The following PARP4 variants were observed in gnomAD, a reference collection of about 807,000 sequenced individuals.
PARP4 encodes protein mono-ADP-ribosyltransferase PARP4.
PARP4 carries 120 observed loss-of-function variants against 187.7 expected under a neutral mutation model. The observed-to-expected ratio is 0.64, with a 90% CI of 0.55 to 0.74. The LOEUF (loss-of-function observed/expected upper bound fraction) is 0.74, where lower values mean the gene tolerates loss of function less well. Among genes scored for constraint, PARP4 ranks in the 30% least tolerant of loss-of-function variants. The pLI is 0.00. For missense variants in PARP4, 1,836 were observed against 2,070.5 expected, an observed-to-expected ratio of 0.89 and a Z score of 2.20; for synonymous variants, 654 against 740.9, an observed-to-expected ratio of 0.88 and a Z score of 1.90.
chr13:24,446,559 G>A, intron 27 of PARP4, 122 bp downstream of exon 27: 1 of 665,678 alleles, frequency 1.5e-6, no homozygotes, highest in Non-Finnish European at 2.7e-6. Flanking sequence ...AATTTGTATT[G>A]GGCTGCATTC....
chr13:24,476,326 C>G (rs541731470), intron 14 of PARP4, among the ~76,000 whole-genome samples: 1 of 152,096 alleles, frequency 6.6e-6, no homozygotes, highest in South Asian at 2.1e-4. Context: ...CATTACTTGA[C>G]ATACATTTAA....
intron 1 of PARP4, among the ~76,000 whole-genome samples, chr13:24,510,878 C>A (rs1163591314): frequency 6.6e-6 from 1 of 152,162 alleles, no homozygotes; most frequent in Non-Finnish European, 1.5e-5. Context: ...CAGCTCACTG[C>A]AACCTCGACC....
chr13:24,452,944 T>C (rs959442394), intron 23 of PARP4, among the ~76,000 whole-genome samples: 3 of 152,096 alleles, frequency 2.0e-5, no homozygotes, highest in Non-Finnish European at 2.9e-5. Context: ...ATTTATTTTT[T>C]TTTTCTTTGA....
intron 20 of PARP4, among the ~76,000 whole-genome samples, chr13:24,457,969 A>C (rs7325273): frequency 0.12 from 17,927 of 151,946 alleles, 1,205 homozygotes; most frequent in African/African-American, 0.15. Flanking sequence ...GTTCCTGCAG[A>C]ATTCTAAAAA....
rs140487937 is a variant in PARP4 at position 24,484,658 on chromosome 13, C to A, written c.1443G>T (p.Ser481=). 182 of 1,603,040 alleles carry A rather than the reference C, an allele frequency of 1.1e-4. No homozygotes were observed. In the African/African-American group the frequency reaches 2.2e-3, roughly 20 times the overall value. ...TGATTAAGGATCGAACATACCTGAG[C>A]GAATCACTGAAATAAATCCCACTTC... ...NLGSGIYFSD[S]LSTSIKYSHP... Residue 481 remains serine, a synonymous_variant, in exon 12 of 34, where the codon TCG becomes TCT. Coordinates refer to ENST00000381989, the MANE Select transcript of PARP4 (RefSeq NM_006437.4).
At chr13:24,459,566 C>CA (rs972093836) in intron 18 of PARP4, 24 of 411,874 alleles carry the variant, frequency 5.8e-5, no homozygotes, top group Non-Finnish European at 8.6e-5. Context: ...CACACACACA[C>CA]ATTTTATACA....
At position 24,475,250 on chromosome 13, in the gene PARP4, C is replaced by T. The variant is rs186528506; in HGVS notation, c.1914+222G>A. Among the ~76,000 whole-genome samples the T allele has an allele frequency of 1.7e-3, 261 of 152,310 alleles. No homozygotes were observed. The highest frequency in any genetic ancestry group is 5.9e-3 in the African/African-American group (244 of 41,564). Reference sequence around the variant, plus strand: ...TTCATCATGATTATTGCCTACTCCCCCACACAGTGTGTGCTCCACAAGGGC... The same window carrying T: ...TTCATCATGATTATTGCCTACTCCCTCACACAGTGTGTGCTCCACAAGGGC... On this transcript the variant is annotated intron_variant, in intron 15 of 33. Transcript: ENST00000381989.
chr13:24,494,557 T>A lies in PARP4; in HGVS notation c.741+16A>T. The A allele has an allele frequency of 6.3e-7, 1 of 1,593,300 alleles. No homozygotes were observed. The highest frequency in any genetic ancestry group is 8.5e-7 in the Non-Finnish European group (1 of 1,171,504). Reference sequence around the variant, plus strand: ...AATATTCAATCAACAACAAAAAAATTATAAATCAATCTCACTGCTTGCAAT... The same window carrying A: ...AATATTCAATCAACAACAAAAAAATAATAAATCAATCTCACTGCTTGCAAT... On this transcript the variant is annotated intron_variant, in intron 7 of 33. Coordinates refer to ENST00000381989, the MANE Select transcript of PARP4 (RefSeq NM_006437.4).
rs781007851 is a variant in PARP4, at chr13:24,443,670, C to T, written c.3427G>A (p.Glu1143Lys). 8 of 1,611,238 alleles carry T rather than the reference C, an allele frequency of 5.0e-6. No homozygotes were observed. Among genetic ancestry groups the T allele is most frequent in the South Asian group, 2.2e-5 (2 of 90,996 alleles). Residue 1143 changes from glutamate to lysine, a missense_variant, in exon 28 of 34, where the codon GAA becomes AAA. Transcript: ENST00000381989. ...IRDYEDGILHENETSHEMKKQ... is the reference protein window; with the variant it reads ...IRDYEDGILHKNETSHEMKKQ... ...CAAACCTCATGACTGGTTTCATTTT[C>T]GTGAAGAATGCCATCTTCATAATCT...
At chr13:24,487,363 T>G (rs1873621022) in intron 10 of PARP4, among the ~76,000 whole-genome samples, 1 of 152,154 alleles carries the variant, frequency 6.6e-6, no homozygotes, top group African/African-American at 2.4e-5. Context: ...AGGTGACATT[T>G]ATTGGAATGT....
At chr13:24,504,633 G>A (rs565747676) in intron 1 of PARP4, among the ~76,000 whole-genome samples, 1 of 151,832 alleles carries the variant, frequency 6.6e-6, no homozygotes, top group African/African-American at 2.4e-5. Context: ...TCTCAATTTT[G>A]CATCGAAATG....
intron 22 of PARP4, among the ~76,000 whole-genome samples, chr13:24,454,763 C>T (rs1350141448): frequency 2.0e-5 from 3 of 152,152 alleles, no homozygotes; most frequent in Non-Finnish European, 4.4e-5. Flanking sequence ...GGACAATTAT[C>T]CTCAGATCGC....
intron 20 of PARP4, among the ~76,000 whole-genome samples, chr13:24,458,289 T>G (rs1228575097): frequency 6.6e-6 from 1 of 152,074 alleles, no homozygotes; most frequent in Non-Finnish European, 1.5e-5. Flanking sequence ...TTTTGTATTT[T>G]TAGTGGAGAC....
At position 24,431,459 on chromosome 13, in the gene PARP4, A is replaced by C; in HGVS notation, c.4764T>G (p.Leu1588=). The C allele has an allele frequency of 2.5e-6, 4 of 1,584,232 alleles. No individual in the cohort carries two copies. Among genetic ancestry groups the C allele is most frequent in the Non-Finnish European group, 1.7e-6 (2 of 1,166,422 alleles). ...TTAATATAAGTCCCAGTTCTGGTGT[A>C]AGTTTCCAGAAGCCATCCTACAAAA... is the stretch of plus-strand genomic sequence containing the variant. ...SLQTEDGFWK[L]TPELGLILNL... is the part of the protein sequence containing the mutation. The change falls in exon 32 of 34, where the codon CTT becomes CTG. Residue 1588 remains leucine (L), a synonymous_variant. Coordinates refer to ENST00000381989, the MANE Select transcript of PARP4 (RefSeq NM_006437.4).
At chr13:24,490,417 A>G (rs1868574125) in intron 10 of PARP4, among the ~76,000 whole-genome samples, 1 of 149,572 alleles carries the variant, frequency 6.7e-6, no homozygotes, top group African/African-American at 2.5e-5. Context: ...CACGTTTTAA[A>G]ATTTTTAAAT....
intron 30 of PARP4, among the ~76,000 whole-genome samples, chr13:24,441,274 G>C (rs1870912306): frequency 1.3e-5 from 2 of 152,172 alleles, no homozygotes; most frequent in Admixed American, 6.5e-5. Context: ...AAAGTGCTGG[G>C]ATTACAGGCG....
intron 25 of PARP4, among the ~76,000 whole-genome samples, chr13:24,449,110 C>T (rs570143561): frequency 3.9e-5 from 6 of 152,166 alleles, no homozygotes; most frequent in East Asian, 3.9e-4. Context: ...TTAAAATGGC[C>T]AGGCGCGGTG....
chr13:24,507,551 T>A (rs946717735), intron 1 of PARP4, among the ~76,000 whole-genome samples: 1 of 152,182 alleles, frequency 6.6e-6, no homozygotes, highest in Non-Finnish European at 1.5e-5. Context: ...TTCTGCCAGC[T>A]GTATCTCTTC....
chr13:24,460,613 C>T (rs993732787), intron 17 of PARP4, among the ~76,000 whole-genome samples: 5 of 152,148 alleles, frequency 3.3e-5, no homozygotes, highest in African/African-American at 1.2e-4. Context: ...AGCTGTAGAA[C>T]CAGGGCAGTT....
Sources: gnomAD v4.1 joint callset for allele counts (sites outside exome capture counted in the v4.1 genomes callset) on GRCh38, gnomAD v4.1.1 for gene constraint, MANE v1.5 for transcripts, NCBI Gene and HGNC (gene_info 2026-07-23, HGNC 2026-07-21) for gene names.